The following PGS1 variants were observed in gnomAD, a reference collection of about 807,000 sequenced individuals.
PGS1 encodes phosphatidylglycerophosphate synthase 1, also known as CDP-diacylglycerol--glycerol-3-phosphate 3-phosphatidyltransferase, mitochondrial.
Under a neutral mutation model 58.3 loss-of-function variants are expected in PGS1, and 44 were observed. The observed-to-expected ratio is 0.75, with a 90% CI of 0.59 to 0.97. The LOEUF is 0.97. Among genes scored for constraint, PGS1 ranks in the 50% least tolerant of loss-of-function variants. The probability of loss-of-function intolerance (pLI) is 0.00; values close to 1 mark genes in which losing one functional copy is unlikely to be tolerated. For missense variants in PGS1, 684 were observed against 731.1 expected (o/e 0.94, Z 0.74); for synonymous variants, 330 against 311.0 (o/e 1.06, Z -0.64).
intron 6 of PGS1, among the ~76,000 whole-genome samples, 188 bp from the exon 7 acceptor site, chr17:78,403,380 C>A (rs2083850449): frequency 6.6e-6 from 1 of 152,168 alleles, no homozygotes; most frequent in Admixed American, 6.5e-5. Context: ...AGGCCCTTGT[C>A]TTGGGCAAAC....
In PGS1 at chr17:78,399,640, C is replaced by T; in HGVS notation, c.701+103C>T. The T allele has an allele frequency of 4.2e-6, 5 of 1,188,008 alleles. No individual in the cohort carries two copies. The South Asian group carries it at 5.5e-5, about 13-fold the overall frequency. 73.6% of individuals were successfully genotyped at this position (1,188,008 alleles called of 1,614,324 possible). ...ACCCGTTCCCCTCAGTCTTGGAGAA[C>T]CTGCTTGTAGGTCTGGCTGCTGTGC... On this transcript the variant is annotated intron_variant, in intron 5 of 9. Transcript: ENST00000262764.
Position 78,422,590 on chromosome 17 carries a change from T to C in PGS1, c.*11-1471T>C, listed in dbSNP as rs1023364626. 2.3e-4 allele frequency among the ~76,000 whole-genome samples: 29 copies of C among 128,078 alleles called. No homozygotes were observed. In the South Asian group the frequency reaches 7.2e-3, roughly 32 times the overall value. 84.0% of individuals were successfully genotyped at this position (128,078 alleles called of 152,430 possible). Reference sequence around the variant, plus strand: ...ATGCCTCGCTGCGTACTTGACCTCATGGGCTCAAGCGACCCTCCTGCCTCA... The same window carrying C: ...ATGCCTCGCTGCGTACTTGACCTCACGGGCTCAAGCGACCCTCCTGCCTCA... On this transcript the variant is annotated intron_variant, in intron 9 of 9. Transcript: ENST00000262764.
At chr17:78,399,561 C>G (rs1210872039) in intron 5 of PGS1, 24 bp downstream of exon 5, 1 of 1,611,160 alleles carries the variant, frequency 6.2e-7, no homozygotes, top group Non-Finnish European at 8.5e-7. Context: ...ACCGTCAGTG[C>G]TTTTGCCCTC....
intron 1 of PGS1, among the ~76,000 whole-genome samples, chr17:78,390,703 G>T (rs185253847): frequency 6.6e-6 from 1 of 152,224 alleles, no homozygotes; most frequent in African/African-American, 2.4e-5. Context: ...GGTCAGGTCT[G>T]TGTGGGGCTC....
intron 5 of PGS1, chr17:78,399,830 A>G (rs1042597614): frequency 1.6e-5 from 7 of 440,080 alleles, no homozygotes; most frequent in African/African-American, 1.2e-4. Flanking sequence ...CACTGTGTAC[A>G]TGTGGAAACA....
chr17:78,387,370 G>T (rs911013879), intron 1 of PGS1, among the ~76,000 whole-genome samples: 1 of 150,640 alleles, frequency 6.6e-6, no homozygotes, highest in Non-Finnish European at 1.5e-5. Flanking sequence ...CGCGATCTGG[G>T]CTCACTGCAA....
At chr17:78,389,775 A>C (rs1315614523) in intron 1 of PGS1, among the ~76,000 whole-genome samples, 2 of 149,494 alleles carry the variant, frequency 1.3e-5, no homozygotes, top group Non-Finnish European at 3.0e-5. Flanking sequence ...CACCACACCC[A>C]ACTAATTTTT....
chr17:78,397,580 G>C (rs2083328855), intron 3 of PGS1, among the ~76,000 whole-genome samples: 1 of 114,262 alleles, frequency 8.8e-6, no homozygotes, highest in Non-Finnish European at 1.9e-5. Flanking sequence ...GGGATTACAG[G>C]CATGCGCCAC....
chr17:78,393,748 G>T (rs923931101), intron 2 of PGS1, among the ~76,000 whole-genome samples: 9 of 152,082 alleles, frequency 5.9e-5, no homozygotes, highest in Non-Finnish European at 1.5e-5. Context: ...TTTGCATTTG[G>T]GGGGTTCAGC....
At chr17:78,419,436 G>A (rs965541122) in intron 8 of PGS1, 110 bp from the exon 9 acceptor site, 3 of 912,482 alleles carry the variant, frequency 3.3e-6, no homozygotes, top group Non-Finnish European at 5.4e-6. Flanking sequence ...GTAGACATGG[G>A]AAGTCAGGGT....
At chr17:78,416,800 A>G (rs749116388) in intron 8 of PGS1, among the ~76,000 whole-genome samples, 3 of 152,110 alleles carry the variant, frequency 2.0e-5, no homozygotes, top group Non-Finnish European at 4.4e-5. Context: ...CTATGCTTAT[A>G]TACTGGGACG....
chr17:78,401,977 C>G (rs8071884), intron 6 of PGS1, among the ~76,000 whole-genome samples: 92,385 of 152,040 alleles, frequency 0.61, 28,172 homozygotes, highest in Admixed American at 0.64. Context: ...CAGCACGCTC[C>G]GAGCAGGAGC....
At chr17:78,401,005 T>C (rs1180721053) in intron 6 of PGS1, 150 bp downstream of exon 6, 3 of 687,002 alleles carry the variant, frequency 4.4e-6, no homozygotes, top group Non-Finnish European at 7.2e-6. Flanking sequence ...CAGACAGATG[T>C]GACTCACTGA....
At position 78,395,020 on chromosome 17, in the gene PGS1, C is replaced by G. The variant is rs773692344; in HGVS notation, c.334-1288C>G. On this transcript the variant is annotated intron_variant, in intron 2 of 9. Transcript: ENST00000262764. Reference sequence around the variant, plus strand: ...GGCAGAGAGGCTTGCCTCAGCAGGCCGAGAAGACCCCAGGGCCTCCTTTCC... The same window carrying G: ...GGCAGAGAGGCTTGCCTCAGCAGGCGGAGAAGACCCCAGGGCCTCCTTTCC... 2.6e-5 allele frequency among the ~76,000 whole-genome samples: 4 copies of G among 151,422 alleles called. No individual in the cohort carries two copies. In the South Asian group the frequency reaches 8.4e-4, roughly 32 times the overall value.
At chr17:78,393,902 C>G (rs1298012062) in intron 2 of PGS1, among the ~76,000 whole-genome samples, 1 of 5,732 alleles carries the variant, frequency 1.7e-4, no homozygotes, top group African/African-American at 9.1e-4. Context: ...AAGGTCTAGG[C>G]CAGGCGTGGT....
intron 9 of PGS1, 26 bp from the exon 10 acceptor site, chr17:78,424,035 G>A (rs746892324): frequency 6.2e-7 from 1 of 1,614,030 alleles, no homozygotes; most frequent in East Asian, 2.2e-5. Flanking sequence ...ACTCATAGAT[G>A]TTCTTGGTCT....
rs142224604 is a variant in PGS1 at position 78,415,042 on chromosome 17, G to A, written c.1551+15G>A. The A allele has an allele frequency of 4.2e-4, 671 of 1,608,572 alleles. 5 individuals carry two copies. The African/African-American group carries it at 8.2e-3, about 20-fold the overall frequency. On this transcript the variant is annotated intron_variant, in intron 8 of 9. Transcript: ENST00000262764. Reference sequence around the variant, plus strand: ...AGCTTCACCAGGTTGGTCGCAGCAAGTGGGATTTCCCAGGGCGCTGAGGGT... The same window carrying A: ...AGCTTCACCAGGTTGGTCGCAGCAAATGGGATTTCCCAGGGCGCTGAGGGT...
rs960954658 is a variant in PGS1, at chr17:78,400,342, G to T, written c.702-335G>T. On this transcript the variant is annotated intron_variant, in intron 5 of 9. Coordinates refer to ENST00000262764, the MANE Select transcript of PGS1 (RefSeq NM_024419.5). The surrounding 1 kb of genome is among the most constrained non-coding windows in gnomAD (Gnocchi z 4.4). Reference sequence around the variant, plus strand: ...GGAGGCTGCAGGGAGCCAAGATCATGCCACTGCACTCCAGCCTGGGCGACA... The same window carrying T: ...GGAGGCTGCAGGGAGCCAAGATCATTCCACTGCACTCCAGCCTGGGCGACA... Among the ~76,000 whole-genome samples the T allele has an allele frequency of 6.6e-6, 1 of 151,638 alleles. No homozygotes were observed. The highest frequency in any genetic ancestry group is 6.6e-5 in the Admixed American group (1 of 15,202).
In PGS1 at chr17:78,410,561, C is replaced by G. The variant is rs188026068; in HGVS notation, c.1403-4318C>G. 6.6e-3 allele frequency among the ~76,000 whole-genome samples: 895 copies of G among 135,302 alleles called. 17 individuals carry two copies. In the South Asian group the frequency reaches 0.071, roughly 11 times the overall value. The allele number at this position is 135,302 out of a possible 152,430, so 88.8% of individuals were successfully genotyped here. On this transcript the variant is annotated intron_variant, in intron 7 of 9. Transcript: ENST00000262764. Reference sequence around the variant, plus strand: ...TGGTCTTGGCTCACTGCAACCTCCGCCTCCTGGGTTTAAGCCATTCTTCTG... The same window carrying G: ...TGGTCTTGGCTCACTGCAACCTCCGGCTCCTGGGTTTAAGCCATTCTTCTG...
Sources: gnomAD v4.1 joint callset for allele counts (sites outside exome capture counted in the v4.1 genomes callset) on GRCh38, gnomAD v4.1.1 for gene constraint, Gnocchi (gnomAD v3.1) non-coding constraint, MANE v1.5 for transcripts, NCBI Gene and HGNC (gene_info 2026-07-23, HGNC 2026-07-21) for gene names.